Variants in FUT8 observed in about 807,000 individuals in gnomAD.
FUT8 encodes fucosyltransferase 8.
FUT8 carries 29 observed loss-of-function variants against 71.3 expected under a neutral mutation model. The observed-to-expected ratio is 0.41, with a 90% CI of 0.30 to 0.55. The LOEUF (loss-of-function observed/expected upper bound fraction) is 0.55, where lower values mean the gene tolerates loss of function less well. Among genes scored for constraint, FUT8 ranks in the 20% least tolerant of loss-of-function variants. FUT8 has a pLI of 0.34. For synonymous variants in FUT8, 254 were observed against 239.3 expected (o/e 1.06, Z -0.57); for missense variants, 544 against 702.1 (o/e 0.77, Z 2.55).
rs964216484 is a variant in FUT8, at chr14:65,607,891, C to T, written c.204-8087C>T. Among the ~76,000 whole-genome samples, 4 of 151,446 alleles carry T rather than the reference C, an allele frequency of 2.6e-5. No individual in the cohort carries two copies. Among genetic ancestry groups the T allele is most frequent in the African/African-American group, 9.7e-5 (4 of 41,298 alleles). On this transcript the variant is annotated intron_variant, in intron 3 of 10. Transcript: ENST00000673929. The surrounding 1 kb of genome is among the most constrained non-coding windows in gnomAD (Gnocchi z 4.1). ...ATTACTGGCCAACATGGTGAAACCC[C>T]GTCTCTACGAAAAATACAAAAAAAT...
chr14:65,515,636 C>A (rs192614178), intron 2 of FUT8, among the ~76,000 whole-genome samples: 132 of 152,104 alleles, frequency 8.7e-4, no homozygotes, highest in Non-Finnish European at 1.3e-3. Flanking sequence ...ACAAACAAAT[C>A]ATGTTAAATG....
the FUT8 span, among the ~76,000 whole-genome samples, chr14:65,372,747 G>C: frequency 6.6e-6 from 1 of 152,282 alleles, no homozygotes; most frequent in East Asian, 1.9e-4. Context: ...TGCTGTTCCT[G>C]TTTCATGGAG....
At chr14:65,661,937 T>C (rs1206102854) in intron 6 of FUT8, among the ~76,000 whole-genome samples, 1 of 152,224 alleles carries the variant, frequency 6.6e-6, no homozygotes, top group African/African-American at 2.4e-5. Context: ...TTAGTAATCA[T>C]TTATTTCTAA....
chr14:65,631,231 T>A (rs1200799394), intron 6 of FUT8, among the ~76,000 whole-genome samples: 2 of 152,228 alleles, frequency 1.3e-5, no homozygotes, highest in Admixed American at 6.5e-5. Flanking sequence ...AAAATGGAAA[T>A]AACTGTGGTT....
chr14:65,693,793 G>A (rs1489246805), intron 7 of FUT8, among the ~76,000 whole-genome samples: 1 of 152,142 alleles, frequency 6.6e-6, no homozygotes, highest in Non-Finnish European at 1.5e-5. Flanking sequence ...ATGTTTAGTA[G>A]AATTCACCAG....
chr14:65,383,066 T>C, the FUT8 span, among the ~76,000 whole-genome samples: 8 of 152,076 alleles, frequency 5.3e-5, no homozygotes, highest in Non-Finnish European at 1.0e-4. Flanking sequence ...GCAGACCCTT[T>C]TGAAATCCAT....
At chr14:65,632,120 C>T (rs909167061) in intron 6 of FUT8, among the ~76,000 whole-genome samples, 1 of 152,196 alleles carries the variant, frequency 6.6e-6, no homozygotes, top group African/African-American at 2.4e-5. Flanking sequence ...TCTTTATTCA[C>T]TCGTTGATTG....
At chr14:65,423,946 G>A (rs1169019937) in intron 1 of FUT8, among the ~76,000 whole-genome samples, 6 of 152,102 alleles carry the variant, frequency 3.9e-5, no homozygotes, top group Non-Finnish European at 8.8e-5. Flanking sequence ...CCCTTATGCT[G>A]GATTCATTTA....
chr14:65,496,090 A>G (rs2066554615), intron 2 of FUT8, among the ~76,000 whole-genome samples: 1 of 152,172 alleles, frequency 6.6e-6, no homozygotes, highest in African/African-American at 2.4e-5. Context: ...TTATGTTTAT[A>G]TTTTGAGGGG....
chr14:65,418,989 G>T (rs1223376131), intron 1 of FUT8, among the ~76,000 whole-genome samples: 1 of 152,206 alleles, frequency 6.6e-6, no homozygotes, highest in Non-Finnish European at 1.5e-5. Context: ...AGCACTTTGG[G>T]AGGCCGAGGC....
At chr14:65,455,995 C>T (rs753086524) in intron 2 of FUT8, among the ~76,000 whole-genome samples, 6 of 152,264 alleles carry the variant, frequency 3.9e-5, no homozygotes, top group South Asian at 4.2e-4. Flanking sequence ...TGGTTGAATG[C>T]GGTACACTGA....
At chr14:65,635,372 G>A (rs1890492661) in intron 6 of FUT8, among the ~76,000 whole-genome samples, 1 of 152,134 alleles carries the variant, frequency 6.6e-6, no homozygotes. Flanking sequence ...TTCCAGTACT[G>A]TGCCAAAGAG....
chr14:65,401,503 G>C, the FUT8 span, among the ~76,000 whole-genome samples: 1 of 152,178 alleles, frequency 6.6e-6, no homozygotes, highest in Non-Finnish European at 1.5e-5. Context: ...TGTGTAATAG[G>C]AAACTGAGAA....
chr14:65,400,008 T>C, the FUT8 span, among the ~76,000 whole-genome samples: 1 of 152,222 alleles, frequency 6.6e-6, no homozygotes, highest in Admixed American at 6.5e-5. Flanking sequence ...GGGGATATCA[T>C]GGTCAACCCA....
chr14:65,733,985 A>G (rs1896101710), intron 10 of FUT8, among the ~76,000 whole-genome samples: 1 of 152,232 alleles, frequency 6.6e-6, no homozygotes, highest in Admixed American at 6.5e-5. Context: ...GGGTCCAGCC[A>G]GCTTTGTATG....
chr14:65,735,048 A>G (rs1896155803), intron 10 of FUT8, among the ~76,000 whole-genome samples: 1 of 152,158 alleles, frequency 6.6e-6, no homozygotes, highest in South Asian at 2.1e-4. Flanking sequence ...TCTAGTCACA[A>G]GATTCTAAAG....
chr14:65,495,205 A>T (rs898396371), intron 2 of FUT8, among the ~76,000 whole-genome samples: 1 of 151,734 alleles, frequency 6.6e-6, no homozygotes, highest in Non-Finnish European at 1.5e-5. Flanking sequence ...AAAACCCAGT[A>T]AATTAAATAA....
chr14:65,639,929 T>TTAAAATCATCAAATATCCAGTTGTTGATC (rs1890748725), intron 6 of FUT8, among the ~76,000 whole-genome samples: 1 of 152,148 alleles, frequency 6.6e-6, no homozygotes. Context: ...GAATCATTGT[T>TTAAAATCATCAAATATCCAGTTGTTGATC]TAAAATCATC....
intron 2 of FUT8, among the ~76,000 whole-genome samples, chr14:65,521,844 A>G (rs887237370): frequency 6.6e-6 from 1 of 151,348 alleles, no homozygotes; most frequent in African/African-American, 2.4e-5. Context: ...GGATGATGAG[A>G]AAGAATTTTG....
Sources: gnomAD v4.1 joint callset for allele counts (sites outside exome capture counted in the v4.1 genomes callset) on GRCh38, gnomAD v4.1.1 for gene constraint, Gnocchi (gnomAD v3.1) non-coding constraint, MANE v1.5 for transcripts, NCBI Gene and HGNC (gene_info 2026-07-23, HGNC 2026-07-21) for gene names.